The following SNX24 variants were observed in gnomAD, a reference collection of about 807,000 sequenced individuals.
The protein encoded by SNX24 is sorting nexin 24, also known as sorting nexin-24.
In SNX24, 22 loss-of-function variants were observed where a neutral mutation model predicts 28.7. That is an observed-to-expected ratio of 0.77 (90% CI 0.55 to 1.10). The LOEUF (loss-of-function observed/expected upper bound fraction) is 1.10, where lower values mean the gene tolerates loss of function less well. Among genes scored for constraint, SNX24 ranks in the 50% least tolerant of loss-of-function variants. The pLI is 0.00. For synonymous variants in SNX24, 69 were observed against 71.5 expected (o/e 0.96, Z 0.18); for missense variants, 221 against 201.1 (o/e 1.10, Z -0.60).
chr5:122,941,791 T>C (rs781642603), intron 2 of SNX24, among the ~76,000 whole-genome samples: 2 of 152,214 alleles, frequency 1.3e-5, no homozygotes, highest in Non-Finnish European at 2.9e-5. Flanking sequence ...AGGATCAGTT[T>C]CTACTGTGGG....
At chr5:122,995,787 A>G (rs1157171230) in intron 3 of SNX24, among the ~76,000 whole-genome samples, 1 of 152,206 alleles carries the variant, frequency 6.6e-6, no homozygotes, top group Non-Finnish European at 1.5e-5. Flanking sequence ...ACTTGCATCC[A>G]GGAATGGGAT....
chr5:122,959,748 A>G (rs989992851), intron 3 of SNX24, among the ~76,000 whole-genome samples: 4 of 152,022 alleles, frequency 2.6e-5, no homozygotes, highest in African/African-American at 9.7e-5. Flanking sequence ...AAGCAGCTAC[A>G]TTGTCTGGGG....
intron 3 of SNX24, among the ~76,000 whole-genome samples, chr5:122,997,837 A>C (rs963331127): frequency 6.6e-6 from 1 of 151,352 alleles, no homozygotes. Flanking sequence ...TTGTACAGAT[A>C]ATTAAAACTA....
intron 3 of SNX24, among the ~76,000 whole-genome samples, chr5:122,997,046 A>G (rs1453922575): frequency 6.6e-6 from 1 of 152,230 alleles, no homozygotes; most frequent in African/African-American, 2.4e-5. Flanking sequence ...TTTCTCATGA[A>G]TATGATCATG....
At chr5:123,011,873 A>G (rs1316169540), downstream of SNX24, among the ~76,000 whole-genome samples, 4 of 152,202 alleles carry the variant, frequency 2.6e-5, no homozygotes, top group African/African-American at 4.8e-5. Flanking sequence ...TATTTGTATA[A>G]TGATATGGTT....
chr5:122,980,516 A>G (rs1019131353), intron 3 of SNX24, among the ~76,000 whole-genome samples: 1 of 152,048 alleles, frequency 6.6e-6, no homozygotes, highest in Non-Finnish European at 1.5e-5. Flanking sequence ...ACTTTCTTCT[A>G]TAACAAAATG....
At chr5:122,931,160 TC>T (rs932210974) in intron 1 of SNX24, among the ~76,000 whole-genome samples, 1 of 152,130 alleles carries the variant, frequency 6.6e-6, no homozygotes, top group African/African-American at 2.4e-5. Flanking sequence ...AAACGCTTCT[TC>T]CCCCCTACCC....
At chr5:123,021,708 T>G (rs542735411) in intron 5 of SNX24, among the ~76,000 whole-genome samples, 77 of 152,266 alleles carry the variant, frequency 5.1e-4, no homozygotes, top group African/African-American at 1.7e-3. Flanking sequence ...AACCCTTCCG[T>G]GTACCATGAC....
chr5:122,983,715 C>T (rs896296928), intron 3 of SNX24, among the ~76,000 whole-genome samples: 1 of 152,164 alleles, frequency 6.6e-6, no homozygotes, highest in African/African-American at 2.4e-5. Context: ...GCAATCCTCC[C>T]GCCTTAGCTA....
At chr5:122,952,263 G>A (rs921776859) in intron 3 of SNX24, among the ~76,000 whole-genome samples, 2 of 152,138 alleles carry the variant, frequency 1.3e-5, no homozygotes, top group Non-Finnish European at 2.9e-5. Context: ...CACATGCCTA[G>A]GCTACTCATT....
At chr5:122,864,161 A>G (rs1384462953) in intron 1 of SNX24, among the ~76,000 whole-genome samples, 2 of 49,168 alleles carry the variant, frequency 4.1e-5, no homozygotes, top group African/African-American at 5.0e-4. Context: ...TGCAGTTAGG[A>G]AGCTCAGGAA....
intron 1 of SNX24, among the ~76,000 whole-genome samples, chr5:122,884,251 C>CTTTTTTTTTTTTTTT (rs758617172): frequency 9.7e-5 from 9 of 92,774 alleles, no homozygotes; most frequent in South Asian, 4.1e-4. Context: ...GTTTCTTTTT[C>CTTTTTTTTTTTTTTT]TTTTTTTTTT....
At chr5:123,028,548 G>A (rs1762896270) in intron 5 of SNX24, 1 of 428,406 alleles carries the variant, frequency 2.3e-6, no homozygotes, top group Non-Finnish European at 4.1e-6. Context: ...CTCAATTACG[G>A]AAAGACAATA....
intron 1 of SNX24, among the ~76,000 whole-genome samples, chr5:122,902,863 TC>T (rs1156988851): frequency 6.6e-6 from 1 of 152,112 alleles, no homozygotes; most frequent in Non-Finnish European, 1.5e-5. Flanking sequence ...ATGACTGTCT[TC>T]CCCCAGACTC....
chr5:122,925,118 T>C, intron 1 of SNX24, among the ~76,000 whole-genome samples: 1 of 111,454 alleles, frequency 9.0e-6, no homozygotes, highest in African/African-American at 3.6e-5. Context: ...TCCCTTCCCC[T>C]TTCCTCCCCC....
intron 3 of SNX24, among the ~76,000 whole-genome samples, chr5:122,966,702 A>G (rs997370211): frequency 3.3e-5 from 5 of 152,222 alleles, no homozygotes; most frequent in Non-Finnish European, 5.9e-5. Flanking sequence ...AAACTAGGGT[A>G]GTTACTTAAC....
chr5:123,004,786 G>A (rs143449201), intron 6 of SNX24, among the ~76,000 whole-genome samples: 3 of 152,030 alleles, frequency 2.0e-5, no homozygotes, highest in Non-Finnish European at 2.9e-5. Context: ...ATCCATAGCC[G>A]GCTGCCTCTC....
intron 5 of SNX24, chr5:123,028,414 G>A (rs34675653): frequency 3.9e-5 from 7 of 180,330 alleles, no homozygotes; most frequent in East Asian, 1.4e-4. Flanking sequence ...CACCTCTGCC[G>A]CACGCTGCCA....
chr5:122,886,433 C>G (rs1756717420), intron 1 of SNX24, among the ~76,000 whole-genome samples: 1 of 152,078 alleles, frequency 6.6e-6, no homozygotes, highest in South Asian at 2.1e-4. Context: ...ATGTATCTTG[C>G]CAGCCACTCT....
Sources: allele counts gnomAD v4.1 joint callset (sites outside exome capture counted in the v4.1 genomes callset), GRCh38; gene constraint gnomAD v4.1.1; transcripts MANE v1.5; gene names NCBI Gene and HGNC (gene_info 2026-07-23, HGNC 2026-07-21).